SLC6A3: variants seen among roughly 807,000 people sequenced by gnomAD.
The protein encoded by SLC6A3 is sodium-dependent dopamine transporter.
In SLC6A3, 19 loss-of-function variants were observed where a neutral mutation model predicts 70.4. The ratio of observed to expected loss-of-function variants is 0.27; its 90% CI spans 0.19 to 0.40. The LOEUF is 0.40. Ranked by LOEUF, SLC6A3 falls within the 10% of genes least tolerant of loss-of-function variation. The pLI, the probability that SLC6A3 is intolerant of heterozygous loss-of-function variation, is 1.00. For synonymous variants in SLC6A3, 368 were observed against 356.6 expected (o/e 1.03, Z -0.36); for missense variants, 613 against 838.5 (o/e 0.73, Z 3.32).
At chr5:1,412,128 C>T (rs1756144552) in intron 8 of SLC6A3, among the ~76,000 whole-genome samples, 1 of 152,256 alleles carries the variant, frequency 6.6e-6, no homozygotes, top group Admixed American at 6.5e-5. Flanking sequence ...CTCCGCCTTC[C>T]AGGCACATGA....
At position 1,442,642 on chromosome 5, in the gene SLC6A3, C is replaced by T. The variant is rs28382221; in HGVS notation, c.286+270G>A. ...GAAACAGGAGGCAGAGCCAAGCTGC[C>T]CCGTCTGCCGCCCCCCACCCCCCAG... On this transcript the variant is annotated intron_variant, in intron 2 of 14. Transcript: ENST00000270349. The surrounding 1 kb of genome is among the most constrained non-coding windows in gnomAD (Gnocchi z 5.0). Among the ~76,000 whole-genome samples, 17,494 of 152,012 alleles carry T rather than the reference C, an allele frequency of 0.12. 1,325 individuals carry two copies. Among genetic ancestry groups the T allele is most frequent in the African/African-American group, 0.2 (8,133 of 41,452 alleles).
Position 1,402,958 on chromosome 5 carries a change from G to A in SLC6A3, c.1731C>T (p.Ala577=), listed in dbSNP as rs6349. 8.5e-3 allele frequency: 13,721 copies of A among 1,614,000 alleles called. 354 individuals carry two copies. In the African/African-American group the frequency reaches 0.086, roughly 10 times the overall value. Residue 577 remains alanine (A), a synonymous_variant, in exon 13 of 15, where the codon GCC becomes GCT. Coordinates refer to ENST00000270349, the MANE Select transcript of SLC6A3 (RefSeq NM_001044.5). This position sits in a 1 kb window ranked among gnomAD's most constrained non-coding sequence, Gnocchi z 8.5. ...SSMAMVPIYA[A]YKFCSLPGSF... ...ACCCAGGCAGGCTGCAGAACTTGTA[G>A]GCCGCATAGATGGGCACCATGGCCA...
At chr5:1,434,813 A>G (rs939791861) in intron 3 of SLC6A3, among the ~76,000 whole-genome samples, 7 of 152,212 alleles carry the variant, frequency 4.6e-5, no homozygotes, top group Admixed American at 1.3e-4. Context: ...CCTTAGGAGA[A>G]GCTGTTCTCA....
At chr5:1,429,687 G>A (rs1297356373) in intron 4 of SLC6A3, among the ~76,000 whole-genome samples, 6 of 152,212 alleles carry the variant, frequency 3.9e-5, no homozygotes, top group East Asian at 3.9e-4. Flanking sequence ...TTAACAGGGC[G>A]TTGGGTACCG....
intron 8 of SLC6A3, among the ~76,000 whole-genome samples, 193 bp downstream of exon 8, chr5:1,414,498 G>A (rs6895518): frequency 0.023 from 2,020 of 87,324 alleles, 277 homozygotes; most frequent in African/African-American, 0.094. Context: ...GGGTCAGGGC[G>A]GGGAAGGCGC....
At chr5:1,420,849 G>T (rs1158684691) in intron 5 of SLC6A3, 146 bp from the exon 6 acceptor site, 2 of 823,646 alleles carry the variant, frequency 2.4e-6, no homozygotes, top group Non-Finnish European at 4.1e-6. Flanking sequence ...CGCCAGCTCA[G>T]CAAATGCTCC....
chr5:1,404,529 C>T lies in SLC6A3; in HGVS notation c.1600-1440G>A, dbSNP rs569256409. Among the ~76,000 whole-genome samples, 5 of 152,324 alleles carry T rather than the reference C, an allele frequency of 3.3e-5. No homozygotes were observed. Among genetic ancestry groups the T allele is most frequent in the South Asian group, 2.1e-4 (1 of 4,828 alleles). On this transcript the variant is annotated intron_variant, in intron 12 of 14. Coordinates refer to ENST00000270349, the MANE Select transcript of SLC6A3 (RefSeq NM_001044.5). This position sits in a 1 kb window ranked among gnomAD's most constrained non-coding sequence, Gnocchi z 5.2. ...CTGCCCATGTAAGTTGCCTTTGCTC[C>T]GGCATAATTTCCCTTTAGCAGTGCT...
In SLC6A3 at chr5:1,432,442, C is replaced by T. The variant is rs761495906; in HGVS notation, c.653+22G>A. On this transcript the variant is annotated intron_variant, in intron 4 of 14. Coordinates refer to ENST00000270349, the MANE Select transcript of SLC6A3 (RefSeq NM_001044.5). ...CTGGCTGCGCCATCTCTCCCGTTCCCGAGGACCCGACTCCCACTTACTCAA... is the reference window on the plus strand; with the variant it reads ...CTGGCTGCGCCATCTCTCCCGTTCCTGAGGACCCGACTCCCACTTACTCAA... The T allele has an allele frequency of 7.2e-5, 114 of 1,585,764 alleles. 1 individual carries two copies. The highest frequency in any genetic ancestry group is 9.4e-5 in the Non-Finnish European group (108 of 1,154,822).
chr5:1,401,725 C>T lies in SLC6A3; in HGVS notation c.1768-739G>A, dbSNP rs1042691813. Among the ~76,000 whole-genome samples, 14 of 152,218 alleles carry T rather than the reference C, an allele frequency of 9.2e-5. No homozygotes were observed. Among genetic ancestry groups the T allele is most frequent in the African/African-American group, 3.1e-4 (13 of 41,450 alleles). Reference sequence around the variant, plus strand: ...GGTAAGGGCGCTGGCTGTTCAGGTCCGCCGGGCTGTAGGCATCCTCCAGCT... The same window carrying T: ...GGTAAGGGCGCTGGCTGTTCAGGTCTGCCGGGCTGTAGGCATCCTCCAGCT... On this transcript the variant is annotated intron_variant, in intron 13 of 14. Transcript: ENST00000270349. The surrounding 1 kb of genome is among the most constrained non-coding windows in gnomAD (Gnocchi z 6.1).
At position 1,443,175 on chromosome 5, in the gene SLC6A3, A is replaced by G. The variant is rs1733723145; in HGVS notation, c.23T>C (p.Val8Ala). The G allele has an allele frequency of 6.2e-7, 1 of 1,614,140 alleles. No homozygotes were observed. Among genetic ancestry groups the G allele is most frequent in the Non-Finnish European group, 8.5e-7 (1 of 1,180,044 alleles). Residue 8 changes from valine (V) to alanine (A), a missense_variant, in exon 2 of 15, where the codon GTG becomes GCG. Physicochemically the swap from Val to Ala is moderately conservative, Grantham distance 64. Transcript: ENST00000270349. ...GGCCACCACGGAAGACATGAGTCCC[A>G]CGGAGCATTTGCTCTTACTCATGGG... MSKSKCS[V>A]GLMSSVVAPA... is the part of the protein sequence containing the mutation.
rs28363120 is a variant in SLC6A3, at chr5:1,405,375, C to T, written c.1599+813G>A. Among the ~76,000 whole-genome samples, 24,892 of 152,218 alleles carry T rather than the reference C, an allele frequency of 0.16. 2,139 individuals carry two copies. Among genetic ancestry groups the T allele is most frequent in the Middle Eastern group, 0.2 (59 of 294 alleles). On this transcript the variant is annotated intron_variant, in intron 12 of 14. Transcript: ENST00000270349. The surrounding 1 kb of genome is among the most constrained non-coding windows in gnomAD (Gnocchi z 5.3). ...CCACGCACGCGGGCCCTGCTGACTC[C>T]GGGACCAGCCCTTGGTCCATGAGAG...
intron 4 of SLC6A3, among the ~76,000 whole-genome samples, chr5:1,429,542 C>T (rs913814136): frequency 2.6e-5 from 4 of 152,228 alleles, no homozygotes; most frequent in Non-Finnish European, 5.9e-5. Context: ...TTCTTAACAA[C>T]GAATCACTGG....
At chr5:1,440,132 T>G (rs965904824) in intron 3 of SLC6A3, among the ~76,000 whole-genome samples, 2 of 152,058 alleles carry the variant, frequency 1.3e-5, no homozygotes, top group African/African-American at 4.8e-5. Context: ...AGCTAGTAGA[T>G]AGGTGGATAG....
chr5:1,409,799 C>G lies in SLC6A3; in HGVS notation c.1320G>C (p.Leu440=). Residue 440 remains leucine, a synonymous_variant, in exon 10 of 15, where the codon CTG becomes CTC. Coordinates refer to ENST00000270349, the MANE Select transcript of SLC6A3 (RefSeq NM_001044.5). The part of the protein sequence containing the change: ...VITGLIDEFQ[L]LHRHRELFTL... Reference sequence around the variant, plus strand: ...TGAAGAGCTCACGGTGTCTGTGCAGCAGCTGGAACTCATCGATGAGCCCGG... The same window carrying G: ...TGAAGAGCTCACGGTGTCTGTGCAGGAGCTGGAACTCATCGATGAGCCCGG... 1.2e-6 allele frequency: 2 copies of G among 1,613,442 alleles called. No individual in the cohort carries two copies. The highest frequency in any genetic ancestry group is 2.2e-5 in the South Asian group (2 of 91,086).
intron 3 of SLC6A3, among the ~76,000 whole-genome samples, chr5:1,433,612 T>A (rs1385491177): frequency 6.6e-6 from 1 of 151,064 alleles, no homozygotes; most frequent in East Asian, 1.9e-4. Flanking sequence ...TCCACAGCCA[T>A]CCACAGTCAT....
chr5:1,403,883 T>C (rs1317505583), intron 12 of SLC6A3, among the ~76,000 whole-genome samples: 1 of 152,170 alleles, frequency 6.6e-6, no homozygotes, highest in Non-Finnish European at 1.5e-5. Context: ...TCCACAAACA[T>C]GCACCACCAT....
At position 1,415,683 on chromosome 5, in the gene SLC6A3, G is replaced by A. The variant is rs576469337; in HGVS notation, c.1031+415C>T. ...TCAGGTGCCTGCCAGTAAGTAACAC[G>A]GGGTGCATATGGGATGGGGGGACAC... On this transcript the variant is annotated intron_variant, in intron 7 of 14. Coordinates refer to ENST00000270349, the MANE Select transcript of SLC6A3 (RefSeq NM_001044.5). Among the ~76,000 whole-genome samples, 58 of 152,320 alleles carry A rather than the reference G, an allele frequency of 3.8e-4. 1 individual carries two copies. Among genetic ancestry groups the A allele is most frequent in the African/African-American group, 8.7e-4 (36 of 41,554 alleles).
rs144264359 is a variant in SLC6A3 at position 1,443,120 on chromosome 5, C to G, written c.78G>C (p.Pro26=). The change falls in exon 2 of 15, where the codon CCG becomes CCC. Residue 26 remains proline (P), a synonymous_variant. Coordinates refer to ENST00000270349, the MANE Select transcript of SLC6A3 (RefSeq NM_001044.5). ...TGACAAGGATGAGCTCCACCTCCTT[C>G]GGGCCCACGGCATTGGGCTCCTTAG... ...APAKEPNAVG[P]KEVELILVKE... 3 of 1,614,118 alleles carry G rather than the reference C, an allele frequency of 1.9e-6. No individual in the cohort carries two copies. The highest frequency in any genetic ancestry group is 1.1e-5 in the South Asian group (1 of 91,090).
rs2126320516 is a variant in SLC6A3, at chr5:1,401,356, G to A, written c.1768-370C>T. The A allele has an allele frequency of 4.1e-6, 2 of 488,802 alleles. No individual in the cohort carries two copies. Among genetic ancestry groups the A allele is most frequent in the Non-Finnish European group, 8.0e-6 (2 of 250,504 alleles). 30.3% of individuals were successfully genotyped at this position (488,802 alleles called of 1,614,324 possible). A position where few individuals can be genotyped will look rare whatever the true frequency, so the allele number is the denominator to read the frequency against. ...TGAGTAAGAAAGTGCCCACACCCAGGTGGGCTGCCTCGGGGCCACCTGCAG... is the reference window on the plus strand; with the variant it reads ...TGAGTAAGAAAGTGCCCACACCCAGATGGGCTGCCTCGGGGCCACCTGCAG... On this transcript the variant is annotated intron_variant, in intron 13 of 14. Coordinates refer to ENST00000270349, the MANE Select transcript of SLC6A3 (RefSeq NM_001044.5). The surrounding 1 kb of genome is among the most constrained non-coding windows in gnomAD (Gnocchi z 6.1).
Sources: allele counts gnomAD v4.1 joint callset (sites outside exome capture counted in the v4.1 genomes callset), GRCh38; gene constraint gnomAD v4.1.1; non-coding constraint Gnocchi (gnomAD v3.1); transcripts MANE v1.5; gene names NCBI Gene and HGNC (gene_info 2026-07-23, HGNC 2026-07-21).